The following CPS1 variants were observed in gnomAD, a reference collection of about 807,000 sequenced individuals.
The protein encoded by CPS1 is carbamoyl-phosphate synthase [ammonia], mitochondrial.
CPS1 carries 109 observed loss-of-function variants against 174.6 expected under a neutral mutation model. The ratio of observed to expected loss-of-function variants is 0.62; its 90% CI spans 0.53 to 0.73. The LOEUF (loss-of-function observed/expected upper bound fraction) is 0.73, where lower values mean the gene tolerates loss of function less well. Ranked by LOEUF, CPS1 falls within the 30% of genes least tolerant of loss-of-function variation. The probability of loss-of-function intolerance (pLI) is 0.00; values close to 1 mark genes in which losing one functional copy is unlikely to be tolerated. For missense variants in CPS1, 1,689 were observed against 1,821.9 expected, an observed-to-expected ratio of 0.93 and a Z score of 1.33; for synonymous variants, 637 against 632.0, an observed-to-expected ratio of 1.01 and a Z score of -0.12.
upstream of CPS1, among the ~76,000 whole-genome samples, chr2:210,555,095 A>C (rs1417967337): frequency 1.3e-5 from 2 of 152,080 alleles, no homozygotes; most frequent in African/African-American, 4.8e-5. Flanking sequence ...TGAACATTTT[A>C]AGGCATACTA....
chr2:210,579,342 T>C (rs1697830606), intron 4 of CPS1, among the ~76,000 whole-genome samples: 2 of 152,126 alleles, frequency 1.3e-5, no homozygotes, highest in African/African-American at 4.8e-5. Context: ...ATGTGTTGAG[T>C]GCCTACTCTG....
chr2:210,502,506 AT>A (rs1229203467), intron 1 of CPS1, among the ~76,000 whole-genome samples: 21 of 148,254 alleles, frequency 1.4e-4, no homozygotes, highest in African/African-American at 3.9e-4. Flanking sequence ...ATAGAGATAT[AT>A]TTTTTATATA....
chr2:210,624,867 ATTAT>A (rs1247511785), intron 21 of CPS1, among the ~76,000 whole-genome samples: 2 of 152,032 alleles, frequency 1.3e-5, no homozygotes, highest in Non-Finnish European at 2.9e-5. Flanking sequence ...CTGTATATTA[ATTAT>A]TGTATGTTTG....
At chr2:210,507,051 G>C (rs1280525342) in intron 1 of CPS1, among the ~76,000 whole-genome samples, 2 of 152,098 alleles carry the variant, frequency 1.3e-5, no homozygotes, top group African/African-American at 4.8e-5. Flanking sequence ...TCCTCAAGAA[G>C]AGCAACTCCA....
chr2:210,570,761 T>C (rs12694202), intron 1 of CPS1, among the ~76,000 whole-genome samples: 92,764 of 151,400 alleles, frequency 0.61, 28,868 homozygotes, highest in African/African-American at 0.72. Context: ...AAAAACAATA[T>C]TTCCAGTAGA....
intron 1 of CPS1, among the ~76,000 whole-genome samples, chr2:210,501,417 A>T (rs370139159): frequency 6.6e-6 from 1 of 152,112 alleles, no homozygotes; most frequent in Non-Finnish European, 1.5e-5. Context: ...CCTTTTAAAC[A>T]TAAGTTGCAA....
chr2:210,523,922 C>T (rs1222636002), intron 1 of CPS1, among the ~76,000 whole-genome samples: 1 of 151,878 alleles, frequency 6.6e-6, no homozygotes, highest in Non-Finnish European at 1.5e-5. Context: ...GTGGAGGGTA[C>T]CTGAGGTCAA....
chr2:210,486,759 C>T (rs1433650929), intron 1 of CPS1, among the ~76,000 whole-genome samples: 1 of 152,238 alleles, frequency 6.6e-6, no homozygotes, highest in African/African-American at 2.4e-5. Context: ...ATCCGCTCGC[C>T]TTGGCTTCCC....
intron 19 of CPS1, among the ~76,000 whole-genome samples, chr2:210,609,729 G>A (rs1488483695): frequency 6.6e-6 from 1 of 151,840 alleles, no homozygotes; most frequent in African/African-American, 2.4e-5. Context: ...GCAAAAGGCT[G>A]TTTATGACAT....
intron 13 of CPS1, among the ~76,000 whole-genome samples, chr2:210,598,378 A>G (rs1559097293): frequency 6.6e-6 from 1 of 151,920 alleles, no homozygotes; most frequent in Non-Finnish European, 1.5e-5. Flanking sequence ...CCTTGAATAT[A>G]AACAGGCTAA....
At chr2:210,479,114 G>A (rs185652860) in intron 1 of CPS1, among the ~76,000 whole-genome samples, 84 of 152,226 alleles carry the variant, frequency 5.5e-4, no homozygotes, top group African/African-American at 2.0e-3. Context: ...TGAAACAACA[G>A]AAATGTATTT....
At position 210,576,405 on chromosome 2, in the gene CPS1, C is replaced by T. The variant is rs1245845692; in HGVS notation, c.296C>T (p.Pro99Leu). 4 of 1,613,740 alleles carry T rather than the reference C, an allele frequency of 2.5e-6. No homozygotes were observed. Among genetic ancestry groups the T allele is most frequent in the Non-Finnish European group, 3.4e-6 (4 of 1,179,748 alleles). Residue 99 changes from proline to leucine, a missense_variant, in exon 3 of 38, where the codon CCT becomes CTT. By Grantham distance (98) the Pro-to-Leu change is moderately conservative. Transcript: ENST00000233072. Reference protein sequence around the residue: ...YKGQILTMANPIIGNGGAPDT... With the variant: ...YKGQILTMANLIIGNGGAPDT... Reference sequence around the variant, plus strand: ...GGACAGATTCTCACAATGGCCAACCCTATTATTGGGAATGGTGGAGCTCCT... The same window carrying T: ...GGACAGATTCTCACAATGGCCAACCTTATTATTGGGAATGGTGGAGCTCCT...
At chr2:210,564,154 T>C (rs1440341074) in intron 1 of CPS1, among the ~76,000 whole-genome samples, 1 of 152,204 alleles carries the variant, frequency 6.6e-6, no homozygotes, top group Non-Finnish European at 1.5e-5. Context: ...GTATTCTATC[T>C]TGTAACATCA....
intron 1 of CPS1, among the ~76,000 whole-genome samples, chr2:210,544,117 G>T (rs1574507704): frequency 6.6e-6 from 1 of 152,220 alleles, no homozygotes; most frequent in Non-Finnish European, 1.5e-5. Context: ...ACTTGGCTGA[G>T]GATAGAATGA....
chr2:210,653,851 A>G (rs1376003728), intron 28 of CPS1, among the ~76,000 whole-genome samples, 174 bp from the exon 29 acceptor site: 2 of 152,216 alleles, frequency 1.3e-5, no homozygotes, highest in African/African-American at 4.8e-5. Context: ...ACAAGCAAAG[A>G]ACAACCTTGT....
chr2:210,564,402 G>A (rs1326310592), intron 1 of CPS1, among the ~76,000 whole-genome samples: 3 of 151,164 alleles, frequency 2.0e-5, no homozygotes, highest in African/African-American at 7.3e-5. Flanking sequence ...TTGAGATGGA[G>A]TCTCGCTCTG....
chr2:210,486,537 T>A (rs1670568305), intron 1 of CPS1, among the ~76,000 whole-genome samples: 1 of 151,936 alleles, frequency 6.6e-6, no homozygotes, highest in Non-Finnish European at 1.5e-5. Flanking sequence ...TGAGATGGAG[T>A]TTCACTCCTG....
At chr2:210,509,322 A>C (rs1695384152) in intron 1 of CPS1, among the ~76,000 whole-genome samples, 1 of 152,384 alleles carries the variant, frequency 6.6e-6, no homozygotes, top group East Asian at 1.9e-4. Context: ...CTTTGACAAA[A>C]TTCAACAGCA....
chr2:210,611,848 G>A (rs954852618), intron 19 of CPS1, among the ~76,000 whole-genome samples: 1 of 151,738 alleles, frequency 6.6e-6, no homozygotes, highest in African/African-American at 2.4e-5. Context: ...GCAGGTACAG[G>A]TGATTTCCTC....
Sources: gnomAD v4.1 joint callset for allele counts (sites outside exome capture counted in the v4.1 genomes callset) on GRCh38, gnomAD v4.1.1 for gene constraint, MANE v1.5 for transcripts, NCBI Gene and HGNC (gene_info 2026-07-23, HGNC 2026-07-21) for gene names.